ST3GAL3: variants seen among roughly 807,000 people sequenced by gnomAD.
ST3GAL3 encodes the protein CMP-N-acetylneuraminate-beta-1,4-galactoside alpha-2,3-sialyltransferase.
In ST3GAL3, 21 loss-of-function variants were observed where a neutral mutation model predicts 50.1. The ratio of observed to expected loss-of-function variants is 0.42; its 90% confidence interval spans 0.30 to 0.60. The LOEUF is 0.60. Among genes scored for constraint, ST3GAL3 ranks in the 20% least tolerant of loss-of-function variants. ST3GAL3 has a pLI of 0.19. For synonymous variants in ST3GAL3, 183 were observed against 190.0 expected (o/e 0.96, Z 0.30); for missense variants, 353 against 489.4 (o/e 0.72, Z 2.63).
chr1:43,724,369 C>T (rs1487532031), intron 1 of ST3GAL3, among the ~76,000 whole-genome samples: 1 of 151,374 alleles, frequency 6.6e-6, no homozygotes, highest in Non-Finnish European at 1.5e-5. Flanking sequence ...CACCACCACA[C>T]CTGGCTATTT....
intron 4 of ST3GAL3, chr1:43,824,664 A>G: frequency 6.2e-7 from 1 of 1,610,090 alleles, no homozygotes; most frequent in South Asian, 1.1e-5. Flanking sequence ...CCACTGTTCA[A>G]AGACTTTCTC....
Position 43,851,246 on chromosome 1 carries a change from A to T in ST3GAL3, c.302+12935A>T, listed in dbSNP as rs1009264910. On this transcript the variant is annotated intron_variant, in intron 5 of 11. Coordinates refer to ENST00000347631, the MANE Select transcript of ST3GAL3 (RefSeq NM_006279.5). ...CTTATAGGGCATAGATTCAAAGAAG[A>T]TGGACGTGGCAGAGATTTTCTTCTT... 2.5e-6 allele frequency: 4 copies of T among 1,574,306 alleles called. No individual in the cohort carries two copies. The South Asian group carries it at 4.4e-5, about 17-fold the overall frequency.
At chr1:43,836,188 T>C (rs1208950416) in intron 4 of ST3GAL3, among the ~76,000 whole-genome samples, 5 of 152,228 alleles carry the variant, frequency 3.3e-5, no homozygotes, top group Non-Finnish European at 5.9e-5. Context: ...TCAAAAAGCT[T>C]CTAGTCAGTT....
intron 1 of ST3GAL3, among the ~76,000 whole-genome samples, chr1:43,721,436 C>T (rs1380172079): frequency 1.3e-5 from 2 of 151,328 alleles, no homozygotes; most frequent in African/African-American, 2.4e-5. Flanking sequence ...TCCCAAGTAG[C>T]TGGGATTATA....
chr1:43,868,025 G>A (rs1245138864), intron 5 of ST3GAL3, among the ~76,000 whole-genome samples: 1 of 152,074 alleles, frequency 6.6e-6, no homozygotes, highest in Non-Finnish European at 1.5e-5. Context: ...TCTTAATATT[G>A]TACATACAAA....
At chr1:43,735,797 A>G (rs773020483) in intron 1 of ST3GAL3, among the ~76,000 whole-genome samples, 2 of 152,244 alleles carry the variant, frequency 1.3e-5, no homozygotes, top group Non-Finnish European at 2.9e-5. Flanking sequence ...GGGTTTAAGC[A>G]GGGATATTGT....
intron 5 of ST3GAL3, among the ~76,000 whole-genome samples, chr1:43,887,093 T>TA: frequency 6.6e-6 from 1 of 152,290 alleles, no homozygotes; most frequent in Admixed American, 6.5e-5. Context: ...AGAGAAAAGA[T>TA]ACCTGCTTAA....
At chr1:43,725,504 C>T (rs1345076124) in intron 1 of ST3GAL3, among the ~76,000 whole-genome samples, 2 of 152,124 alleles carry the variant, frequency 1.3e-5, no homozygotes, top group African/African-American at 4.8e-5. Flanking sequence ...GGCCTGCATG[C>T]TTTTTTCTGA....
intron 3 of ST3GAL3, among the ~76,000 whole-genome samples, chr1:43,794,086 GAA>G (rs11342279): frequency 0.018 from 2,211 of 122,184 alleles, 37 homozygotes; most frequent in African/African-American, 0.041. Flanking sequence ...CCTGTCTCTG[GAA>G]AAAAAAAAAA....
At chr1:43,752,415 G>T (rs1313712189) in intron 2 of ST3GAL3, among the ~76,000 whole-genome samples, 1 of 152,170 alleles carries the variant, frequency 6.6e-6, no homozygotes, top group Non-Finnish European at 1.5e-5. Flanking sequence ...AACAATACTT[G>T]ATATCTGAAG....
chr1:43,829,475 C>G (rs537461340), intron 4 of ST3GAL3, among the ~76,000 whole-genome samples: 1 of 152,280 alleles, frequency 6.6e-6, no homozygotes, highest in South Asian at 2.1e-4. Context: ...CTCTCTTGGA[C>G]TAGTGCATGT....
intron 2 of ST3GAL3, among the ~76,000 whole-genome samples, chr1:43,789,544 A>G (rs913464353): frequency 6.6e-6 from 1 of 152,174 alleles, no homozygotes; most frequent in African/African-American, 2.4e-5. Flanking sequence ...AGTCTTCTCA[A>G]TGAGAGGAGA....
chr1:43,923,375 C>T (rs2154296909), intron 11 of ST3GAL3, among the ~76,000 whole-genome samples: 1 of 152,246 alleles, frequency 6.6e-6, no homozygotes, highest in African/African-American at 2.4e-5. Flanking sequence ...TCAGGTACCA[C>T]CTATATTGTA....
intron 4 of ST3GAL3, among the ~76,000 whole-genome samples, chr1:43,827,649 T>C (rs1201561564): frequency 2.6e-5 from 4 of 152,044 alleles, no homozygotes; most frequent in Non-Finnish European, 4.4e-5. Context: ...ACTACAGGCG[T>C]GCGCTACCAC....
At chr1:43,788,889 G>T (rs546118538) in intron 2 of ST3GAL3, among the ~76,000 whole-genome samples, 1 of 151,554 alleles carries the variant, frequency 6.6e-6, no homozygotes, top group Admixed American at 6.6e-5. Context: ...GATCAGAGAG[G>T]TCTTCAAGAA....
chr1:43,769,730 A>G (rs1379474523), intron 2 of ST3GAL3, among the ~76,000 whole-genome samples: 1 of 152,194 alleles, frequency 6.6e-6, no homozygotes, highest in East Asian at 1.9e-4. Context: ...GTCATCCGGG[A>G]AACTACATAA....
intron 4 of ST3GAL3, among the ~76,000 whole-genome samples, chr1:43,823,525 C>T (rs774426720): frequency 6.6e-6 from 1 of 152,196 alleles, no homozygotes; most frequent in Non-Finnish European, 1.5e-5. Flanking sequence ...TTAATAAAGT[C>T]TCCTTTGCCC....
intron 2 of ST3GAL3, 62 bp from the exon 3 acceptor site, chr1:43,792,040 T>C: frequency 6.2e-7 from 1 of 1,602,806 alleles, no homozygotes; most frequent in Non-Finnish European, 8.5e-7. Context: ...GCAGAGCCAG[T>C]GGGAGCTTGC....
At chr1:43,767,645 G>C (rs900971935) in intron 2 of ST3GAL3, among the ~76,000 whole-genome samples, 3 of 137,384 alleles carry the variant, frequency 2.2e-5, no homozygotes, top group Admixed American at 8.0e-5. Context: ...AAAATATTTT[G>C]AATTGCATGA....
Sources: gnomAD v4.1 joint callset for allele counts (sites outside exome capture counted in the v4.1 genomes callset) on GRCh38, gnomAD v4.1.1 for gene constraint, MANE v1.5 for transcripts, NCBI Gene and HGNC (gene_info 2026-07-23, HGNC 2026-07-21) for gene names.